HPCAL1: variants seen among roughly 807,000 people sequenced by gnomAD.
The protein encoded by HPCAL1 is hippocalcin-like protein 1.
In HPCAL1, 8 loss-of-function variants were observed where a neutral mutation model predicts 17.1. That is an observed-to-expected ratio of 0.47 (90% CI 0.27 to 0.84). The LOEUF is 0.84. Among genes scored for constraint, HPCAL1 ranks in the 40% least tolerant of loss-of-function variants. HPCAL1 has a pLI of 0.13. For missense variants in HPCAL1, 165 were observed against 271.1 expected, an observed-to-expected ratio of 0.61 and a Z score of 2.75; for synonymous variants, 112 against 111.4, an observed-to-expected ratio of 1.01 and a Z score of -0.03.
Position 10,365,213 on chromosome 2 carries a change from C to T in HPCAL1, c.-110-31622C>T, listed in dbSNP as rs1558488966. Among the ~76,000 whole-genome samples, 2 of 152,178 alleles carry T rather than the reference C, an allele frequency of 1.3e-5. No individual in the cohort carries two copies. Among genetic ancestry groups the T allele is most frequent in the South Asian group, 2.1e-4 (1 of 4,830 alleles). ...GAGGCCGCCAGAGAGGTCTAGGCCTCCGACCCTGACCTTGCTCCTCTTGGA... is the reference window on the plus strand; with the variant it reads ...GAGGCCGCCAGAGAGGTCTAGGCCTTCGACCCTGACCTTGCTCCTCTTGGA... On this transcript the variant is annotated intron_variant, in intron 1 of 4. Coordinates refer to ENST00000307845, the MANE Select transcript of HPCAL1 (RefSeq NM_002149.4). The surrounding 1 kb of genome is among the most constrained non-coding windows in gnomAD (Gnocchi z 4.8).
At chr2:10,402,745 A>C (rs1167136698) in intron 2 of HPCAL1, among the ~76,000 whole-genome samples, 1 of 146,454 alleles carries the variant, frequency 6.8e-6, no homozygotes, top group East Asian at 1.9e-4. Context: ...AAAAGAATTA[A>C]AGAAAAAGTT....
At chr2:10,351,520 G>C (rs1330509980) in intron 1 of HPCAL1, among the ~76,000 whole-genome samples, 1 of 152,164 alleles carries the variant, frequency 6.6e-6, no homozygotes, top group Non-Finnish European at 1.5e-5. Context: ...CACTTTGGGA[G>C]GCTGAGTCAG....
chr2:10,419,716 T>C lies in HPCAL1; in HGVS notation c.-24-18T>C, dbSNP rs1670913377. 1 of 1,578,938 alleles carries C rather than the reference T, an allele frequency of 6.3e-7. No individual in the cohort carries two copies. On this transcript the variant is annotated intron_variant, in intron 2 of 4. Coordinates refer to ENST00000307845, the MANE Select transcript of HPCAL1 (RefSeq NM_002149.4). The surrounding 1 kb of genome is among the most constrained non-coding windows in gnomAD (Gnocchi z 5.0). ...CGTGGCCGTGGGTGGCGTCCCCGGC[T>C]GACCCCCTGTCTTGCAGGTGTAGTC...
At chr2:10,415,216 GCCCTGGGCTGGGTGTGCCTCA>G (rs1482941892) in intron 2 of HPCAL1, among the ~76,000 whole-genome samples, 2 of 151,648 alleles carry the variant, frequency 1.3e-5, no homozygotes, top group Non-Finnish European at 2.9e-5. Context: ...TGGAGGGCCG[GCCCTGGGCTGGGTGTGCCTCA>G]CGCTGCCTGG....
At chr2:10,409,778 T>TTTC (rs1491381404) in intron 2 of HPCAL1, among the ~76,000 whole-genome samples, 100 of 9,240 alleles carry the variant, frequency 0.011, 5 homozygotes, top group South Asian at 0.043. Context: ...AGCCTCAGTC[T>TTTC]TTTTTTTTTT....
intron 1 of HPCAL1, among the ~76,000 whole-genome samples, chr2:10,348,819 G>A (rs1665640255): frequency 6.6e-6 from 1 of 152,090 alleles, no homozygotes; most frequent in Non-Finnish European, 1.5e-5. Flanking sequence ...CTTCTCCTGG[G>A]AAATCCAGAT....
intron 2 of HPCAL1, among the ~76,000 whole-genome samples, chr2:10,416,643 T>C (rs1448574254): frequency 6.6e-6 from 1 of 152,104 alleles, no homozygotes; most frequent in Non-Finnish European, 1.5e-5. Context: ...AGCATCTTTG[T>C]TGTTTTTTCT....
At chr2:10,397,581 T>G (rs1284494265) in intron 2 of HPCAL1, among the ~76,000 whole-genome samples, 4 of 152,156 alleles carry the variant, frequency 2.6e-5, no homozygotes, top group Non-Finnish European at 5.9e-5. Context: ...ACAGCTTGAA[T>G]GCACCACCCT....
intron 3 of HPCAL1, among the ~76,000 whole-genome samples, chr2:10,422,762 C>T (rs1671142970): frequency 6.6e-6 from 1 of 152,246 alleles, no homozygotes; most frequent in Non-Finnish European, 1.5e-5. Flanking sequence ...ACCCTCACCA[C>T]CCTCCCAGTA....
Position 10,344,636 on chromosome 2 carries a change from A to T in HPCAL1, c.-111+41459A>T, listed in dbSNP as rs913969711. On this transcript the variant is annotated intron_variant, in intron 1 of 4. Coordinates refer to ENST00000307845, the MANE Select transcript of HPCAL1 (RefSeq NM_002149.4). This position sits in a 1 kb window ranked among gnomAD's most constrained non-coding sequence, Gnocchi z 4.9. ...AATATTTTATAATCAAATGAGTAAG[A>T]CGGGCGTCCCACACTCCACAGTACT... Among the ~76,000 whole-genome samples the T allele has an allele frequency of 2.0e-5, 3 of 152,152 alleles. No individual in the cohort carries two copies. Among genetic ancestry groups the T allele is most frequent in the East Asian group, 1.9e-4 (1 of 5,204 alleles).
At chr2:10,378,741 T>C (rs1319619308) in intron 1 of HPCAL1, among the ~76,000 whole-genome samples, 1 of 152,144 alleles carries the variant, frequency 6.6e-6, no homozygotes, top group African/African-American at 2.4e-5. Flanking sequence ...CATGACCACA[T>C]TGCATGTTCC....
intron 1 of HPCAL1, among the ~76,000 whole-genome samples, chr2:10,311,743 G>A (rs1312822383): frequency 6.6e-6 from 1 of 151,984 alleles, no homozygotes; most frequent in Non-Finnish European, 1.5e-5. Flanking sequence ...GCCAGTTGCT[G>A]GCTCCCCAAA....
chr2:10,357,589 C>T (rs748615287), intron 1 of HPCAL1, among the ~76,000 whole-genome samples: 1 of 152,142 alleles, frequency 6.6e-6, no homozygotes, highest in Admixed American at 6.5e-5. Flanking sequence ...AGAAATGCCT[C>T]CTGCATCTTT....
chr2:10,366,393 A>T (rs896353325), intron 1 of HPCAL1, among the ~76,000 whole-genome samples: 9 of 151,898 alleles, frequency 5.9e-5, no homozygotes, highest in African/African-American at 2.2e-4. Context: ...CCGCCACCAC[A>T]CCCAGCTAAT....
At chr2:10,404,827 C>T (rs1318365234) in intron 2 of HPCAL1, among the ~76,000 whole-genome samples, 4 of 152,240 alleles carry the variant, frequency 2.6e-5, no homozygotes, top group South Asian at 4.1e-4. Flanking sequence ...CTCTGCCCAG[C>T]TGGGCCTCAG....
rs527461713 is a variant in HPCAL1 at position 10,427,533 on chromosome 2, C to G, written c.*712C>G. ...GATCCTCCCATCCGTGTTGTGAGCA[C>G]AGGCATTTGTGTCTGGTCTGTCCTC... On this transcript the variant is annotated 3_prime_UTR_variant, in exon 5 of 5. Transcript: ENST00000307845. 3.9e-5 allele frequency: 6 copies of G among 152,382 alleles called. No homozygotes were observed. The East Asian group carries it at 1.2e-3, about 29-fold the overall frequency. 9.4% of individuals were successfully genotyped at this position (152,382 alleles called of 1,614,324 possible).
At position 10,336,983 on chromosome 2, in the gene HPCAL1, C is replaced by G. The variant is rs143656795; in HGVS notation, c.-111+33806C>G. The stretch of plus-strand genomic sequence containing the variant: ...GCCCAGGCTGGTCTTGAACTCCTGG[C>G]CTCAAGTGTTCTTCCCACCGCAGCC... On this transcript the variant is annotated intron_variant, in intron 1 of 4. Coordinates refer to ENST00000307845, the MANE Select transcript of HPCAL1 (RefSeq NM_002149.4). 1.9e-3 allele frequency among the ~76,000 whole-genome samples: 282 copies of G among 152,200 alleles called. 1 individual carries two copies. The highest frequency in any genetic ancestry group is 6.3e-3 in the African/African-American group (263 of 41,514).
At chr2:10,326,298 G>A (rs1413563558) in intron 1 of HPCAL1, among the ~76,000 whole-genome samples, 2 of 152,258 alleles carry the variant, frequency 1.3e-5, no homozygotes, top group Non-Finnish European at 2.9e-5. Flanking sequence ...AGGGGCTACA[G>A]GCAGATATTG....
At chr2:10,357,647 A>G (rs1289424648) in intron 1 of HPCAL1, among the ~76,000 whole-genome samples, 3 of 152,200 alleles carry the variant, frequency 2.0e-5, no homozygotes, top group Admixed American at 1.3e-4. Context: ...ATGTTCTTGT[A>G]AATATCACGA....
Sources: gnomAD v4.1 joint callset for allele counts (sites outside exome capture counted in the v4.1 genomes callset) on GRCh38, gnomAD v4.1.1 for gene constraint, Gnocchi (gnomAD v3.1) non-coding constraint, MANE v1.5 for transcripts, NCBI Gene and HGNC (gene_info 2026-07-23, HGNC 2026-07-21) for gene names.